The following B4GALT4 variants were observed in gnomAD, a reference collection of about 807,000 sequenced individuals.
The protein encoded by B4GALT4 is beta-1,4-galactosyltransferase 4, also known as N-acetyllactosamine synthase.
Under a neutral mutation model 37.3 loss-of-function variants are expected in B4GALT4, and 27 were observed. That is an observed-to-expected ratio of 0.72 (90% CI 0.53 to 1.00). The LOEUF (loss-of-function observed/expected upper bound fraction) is 1.00. Among genes scored for constraint, B4GALT4 ranks in the 50% least tolerant of loss-of-function variants. The pLI is 0.00. For synonymous variants in B4GALT4, 148 were observed against 154.1 expected (o/e 0.96, Z 0.29); for missense variants, 372 against 413.1 (o/e 0.90, Z 0.86).
At chr3:119,222,641 A>G (rs1308132910) in intron 5 of B4GALT4, among the ~76,000 whole-genome samples, 2 of 152,192 alleles carry the variant, frequency 1.3e-5, no homozygotes, top group African/African-American at 4.8e-5. Flanking sequence ...GCTTAGCCTC[A>G]GTTCTTGCCT....
chr3:119,216,123 T>A, intron 7 of B4GALT4, 117 bp downstream of exon 7: 1 of 778,888 alleles, frequency 1.3e-6, no homozygotes. Flanking sequence ...GAAAATTTGC[T>A]TAATAAAAAT....
rs1355279206 is a variant in B4GALT4 at position 119,212,742 on chromosome 3, T to C, written c.903-61A>G. On this transcript the variant is annotated intron_variant, in intron 7 of 7. Transcript: ENST00000393765. ...TTTAACATATGTCTCCACTGCATTTTGCCTTGCCCTGAAATGTGGCAAACA... is the reference window on the plus strand; with the variant it reads ...TTTAACATATGTCTCCACTGCATTTCGCCTTGCCCTGAAATGTGGCAAACA... 3 of 1,449,832 alleles carry C rather than the reference T, an allele frequency of 2.1e-6. No individual in the cohort carries two copies. The East Asian group carries it at 7.2e-5, about 35-fold the overall frequency. 89.8% of individuals were successfully genotyped at this position (1,449,832 alleles called of 1,614,324 possible).
chr3:119,217,711 C>T (rs2078329789), intron 6 of B4GALT4, among the ~76,000 whole-genome samples: 1 of 151,992 alleles, frequency 6.6e-6, no homozygotes, highest in South Asian at 2.1e-4. Flanking sequence ...GACACGGCGG[C>T]ACACGCCTGT....
intron 7 of B4GALT4, chr3:119,215,299 C>T (rs2078260656): frequency 6.6e-6 from 1 of 152,202 alleles, no homozygotes; most frequent in African/African-American, 2.4e-5. Flanking sequence ...TCATCTTTCT[C>T]CTGGGCTTCC....
Position 119,212,185 on chromosome 3 carries a change from T to A in B4GALT4, c.*364A>T, listed in dbSNP as rs954872113. ...TCTGGTTCTCTCAGACATTCAGCAG[T>A]CTTATTTCCTGTGGCCTTTTATCCC... On this transcript the variant is annotated 3_prime_UTR_variant, in exon 8 of 8. Transcript: ENST00000393765. 2.6e-5 allele frequency: 18 copies of A among 702,952 alleles called. No individual in the cohort carries two copies. The Admixed American group carries it at 2.8e-4, about 11-fold the overall frequency. The allele number at this position is 702,952 out of a possible 1,614,324, so 43.5% of individuals were successfully genotyped here.
chr3:119,226,899 G>A lies in B4GALT4; in HGVS notation c.396C>T (p.Asn132=). Residue 132 remains asparagine (N), a synonymous_variant, in exon 4 of 8, where the codon AAC becomes AAT. Transcript: ENST00000393765. ...QRVAILVPHR[N]REKHLMYLLE... The stretch of plus-strand genomic sequence containing the variant: ...GCAGGTACATCAGGTGTTTCTCTCT[G>A]TTCCGGTGGGGAACGAGGATGGCGA... 6.2e-7 allele frequency: 1 copy of A among 1,614,168 alleles called. No homozygotes were observed. Among genetic ancestry groups the A allele is most frequent in the Non-Finnish European group, 8.5e-7 (1 of 1,180,036 alleles).
In B4GALT4 at chr3:119,226,957, T is replaced by C. The variant is rs2078639367; in HGVS notation, c.338A>G (p.Tyr113Cys). Residue 113 changes from tyrosine to cysteine, a missense_variant, in exon 4 of 8, where the codon TAT becomes TGT. Physicochemically the swap from Tyr to Cys is radical, Grantham distance 194 (BLOSUM62 -2). Transcript: ENST00000393765. ...AENPKVSRGR[Y>C]RPQECKALQR... ...TAAAGCTTTACATTCCTGAGGGCGA[T>C]ACCGGCCTCTGGACACTTTGGGATT... 6.2e-7 allele frequency: 1 copy of C among 1,614,210 alleles called. No homozygotes were observed. Among genetic ancestry groups the C allele is most frequent in the African/African-American group, 1.3e-5 (1 of 75,042 alleles).
Position 119,212,165 on chromosome 3 carries a change from T to C in B4GALT4, c.*384A>G. The stretch of plus-strand genomic sequence containing the variant: ...CTACCTTGGACGAGAACAACTCTGG[T>C]TCTCTCAGACATTCAGCAGTCTTAT... On this transcript the variant is annotated 3_prime_UTR_variant, in exon 8 of 8. Coordinates refer to ENST00000393765, the MANE Select transcript of B4GALT4 (RefSeq NM_003778.4). 1.4e-6 allele frequency: 1 copy of C among 703,054 alleles called. No individual in the cohort carries two copies. The highest frequency in any genetic ancestry group is 2.6e-6 in the Non-Finnish European group (1 of 385,004). 43.6% of individuals were successfully genotyped at this position (703,054 alleles called of 1,614,324 possible).
intron 3 of B4GALT4, 115 bp downstream of exon 3, chr3:119,229,732 C>A: frequency 1.8e-6 from 2 of 1,121,234 alleles, no homozygotes; most frequent in South Asian, 1.7e-5. Flanking sequence ...TTTTGTGACA[C>A]AGGAGATATA....
intron 5 of B4GALT4, among the ~76,000 whole-genome samples, chr3:119,219,536 C>T (rs1217010729): frequency 6.6e-6 from 1 of 152,256 alleles, no homozygotes; most frequent in Non-Finnish European, 1.5e-5. Flanking sequence ...AGAGGAACGA[C>T]TACAGATATG....
In B4GALT4 at chr3:119,227,374, C is replaced by T. The variant is rs185808835; in HGVS notation, c.254-333G>A. On this transcript the variant is annotated intron_variant, in intron 3 of 7. Transcript: ENST00000393765. Reference sequence around the variant, plus strand: ...CAAAGGGCAGGGCTAGACAGAGTAACTTCAACTTTGGTCTATCCTCTTTTC... The same window carrying T: ...CAAAGGGCAGGGCTAGACAGAGTAATTTCAACTTTGGTCTATCCTCTTTTC... Among the ~76,000 whole-genome samples the T allele has an allele frequency of 3.3e-5, 5 of 152,280 alleles. No homozygotes were observed. The East Asian group carries it at 7.7e-4, about 23-fold the overall frequency.
At chr3:119,216,850 G>A (rs1319529001) in intron 6 of B4GALT4, among the ~76,000 whole-genome samples, 1 of 152,168 alleles carries the variant, frequency 6.6e-6, no homozygotes, top group Non-Finnish European at 1.5e-5. Context: ...CACAGTTCCA[G>A]GTCTCAGTTC....
At chr3:119,231,360 G>T (rs1367026738) in intron 2 of B4GALT4, among the ~76,000 whole-genome samples, 1 of 152,206 alleles carries the variant, frequency 6.6e-6, no homozygotes, top group Non-Finnish European at 1.5e-5. Context: ...TATCCTCTCT[G>T]TGTGGACAAA....
At chr3:119,228,177 C>T (rs940845771) in intron 3 of B4GALT4, among the ~76,000 whole-genome samples, 4 of 152,188 alleles carry the variant, frequency 2.6e-5, no homozygotes, top group Non-Finnish European at 5.9e-5. Context: ...CAATCCCCAT[C>T]GTTAACCTGA....
intron 2 of B4GALT4, chr3:119,235,171 T>G (rs911125239): frequency 6.6e-6 from 1 of 152,240 alleles, no homozygotes; most frequent in Admixed American, 6.5e-5. Flanking sequence ...TCTCTCTACT[T>G]TTGTGAATGC....
chr3:119,222,408 C>T (rs2078475527), intron 5 of B4GALT4, among the ~76,000 whole-genome samples: 1 of 142,522 alleles, frequency 7.0e-6, no homozygotes, highest in Admixed American at 6.9e-5. Flanking sequence ...GGGATTCTCT[C>T]CTTGCCCTCT....
intron 6 of B4GALT4, among the ~76,000 whole-genome samples, chr3:119,218,074 GC>G (rs1394503004): frequency 2.0e-5 from 3 of 152,136 alleles, no homozygotes; most frequent in African/African-American, 7.2e-5. Context: ...TTCCCTTTGA[GC>G]CCCTCAGAGC....
chr3:119,226,739 C>T (rs1401875493), intron 4 of B4GALT4, 70 bp downstream of exon 4: 3 of 1,340,516 alleles, frequency 2.2e-6, no homozygotes, highest in Non-Finnish European at 3.1e-6. Flanking sequence ...CATAGACAAA[C>T]AGTCACATGG....
At chr3:119,220,041 T>C (rs2078404470) in intron 5 of B4GALT4, among the ~76,000 whole-genome samples, 1 of 152,220 alleles carries the variant, frequency 6.6e-6, no homozygotes, top group Non-Finnish European at 1.5e-5. Context: ...AAAGCTAATC[T>C]GTAGTTCAGT....
Sources: allele counts gnomAD v4.1 joint callset (sites outside exome capture counted in the v4.1 genomes callset), GRCh38; gene constraint gnomAD v4.1.1; transcripts MANE v1.5; gene names NCBI Gene and HGNC (gene_info 2026-07-23, HGNC 2026-07-21).